The following TMEM233 variants were observed in gnomAD, a reference collection of about 807,000 sequenced individuals.
The protein encoded by TMEM233 is transmembrane protein 233.
In TMEM233, 6 loss-of-function variants were observed where a neutral mutation model predicts 11.2. The ratio of observed to expected loss-of-function variants is 0.54; its 90% CI spans 0.29 to 1.06. The LOEUF (loss-of-function observed/expected upper bound fraction) is 1.06. Among genes scored for constraint, TMEM233 ranks in the 50% least tolerant of loss-of-function variants. TMEM233 has a pLI of 0.08. For synonymous variants in TMEM233, 59 were observed against 55.8 expected (o/e 1.06, Z -0.26); for missense variants, 127 against 144.7 (o/e 0.88, Z 0.63).
chr12:119,605,034 C>A (rs1372259634), intron 1 of TMEM233, among the ~76,000 whole-genome samples: 3 of 148,450 alleles, frequency 2.0e-5, no homozygotes, highest in South Asian at 4.2e-4. Context: ...AATTCAGAAA[C>A]TTGTCTTTCT....
At chr12:119,649,708 C>T in the TMEM233 span, among the ~76,000 whole-genome samples, 1 of 152,052 alleles carries the variant, frequency 6.6e-6, no homozygotes, top group African/African-American at 2.4e-5. Context: ...GATGTAGATT[C>T]AATTAGTCAC....
At chr12:119,616,572 G>A (rs1022726395) in intron 1 of TMEM233, among the ~76,000 whole-genome samples, 14 of 152,180 alleles carry the variant, frequency 9.2e-5, no homozygotes, top group African/African-American at 3.4e-4. Context: ...GAGGAAAGGT[G>A]CGACTTACAA....
chr12:119,651,182 A>G, the TMEM233 span, among the ~76,000 whole-genome samples: 1 of 152,206 alleles, frequency 6.6e-6, no homozygotes, highest in African/African-American at 2.4e-5. Flanking sequence ...ATAGAAGACA[A>G]ACTTCAAGGT....
chr12:119,603,008 A>C (rs1174174197), intron 1 of TMEM233, among the ~76,000 whole-genome samples: 2 of 152,202 alleles, frequency 1.3e-5, no homozygotes, highest in Non-Finnish European at 2.9e-5. Context: ...TAATCCCAGC[A>C]CTTCAGGAGG....
At chr12:119,597,762 C>T (rs1232344688) in intron 1 of TMEM233, among the ~76,000 whole-genome samples, 1 of 152,158 alleles carries the variant, frequency 6.6e-6, no homozygotes, top group African/African-American at 2.4e-5. Context: ...ATGGGTCAAG[C>T]ATTGTCAGGG....
chr12:119,640,627 C>T (rs933583425), intron 2 of TMEM233, 72 bp from the exon 3 acceptor site: 40 of 1,509,484 alleles, frequency 2.6e-5, no homozygotes, highest in African/African-American at 2.4e-4. Flanking sequence ...AGGAAGGCAT[C>T]GAGCTGGGAA....
At chr12:119,648,725 T>C in the TMEM233 span, among the ~76,000 whole-genome samples, 1 of 152,216 alleles carries the variant, frequency 6.6e-6, no homozygotes, top group Non-Finnish European at 1.5e-5. Context: ...GGCACATAAG[T>C]TTCCAATAGT....
At chr12:119,611,553 T>C (rs1954400634) in intron 1 of TMEM233, among the ~76,000 whole-genome samples, 1 of 152,072 alleles carries the variant, frequency 6.6e-6, no homozygotes, top group African/African-American at 2.4e-5. Context: ...GATATATATA[T>C]ATATATATTC....
intron 1 of TMEM233, among the ~76,000 whole-genome samples, chr12:119,599,348 T>C (rs965640128): frequency 6.6e-6 from 1 of 152,202 alleles, no homozygotes; most frequent in Non-Finnish European, 1.5e-5. Flanking sequence ...CCATTCTCCA[T>C]GATGTGCTTA....
the TMEM233 span, among the ~76,000 whole-genome samples, chr12:119,649,157 G>A: frequency 6.6e-6 from 1 of 152,118 alleles, no homozygotes; most frequent in Non-Finnish European, 1.5e-5. Flanking sequence ...AATTAGCCGA[G>A]AGTGGTGGTG....
rs2136659262 is a variant in TMEM233 at position 119,594,910 on chromosome 12, G to A, written c.186+876G>A. On this transcript the variant is annotated intron_variant, in intron 1 of 2. Transcript: ENST00000426426. The surrounding 1 kb of genome is among the most constrained non-coding windows in gnomAD (Gnocchi z 5.6). ...CTCTCTTCTCTTGGTGTCCCCCAGAGCTCCCAGGCGCCCCTCCACCGCTCT... is the reference window on the plus strand; with the variant it reads ...CTCTCTTCTCTTGGTGTCCCCCAGAACTCCCAGGCGCCCCTCCACCGCTCT... 6.6e-6 allele frequency among the ~76,000 whole-genome samples: 1 copy of A among 152,150 alleles called. No homozygotes were observed. Among genetic ancestry groups the A allele is most frequent in the East Asian group, 2.0e-4 (1 of 5,122 alleles).
At chr12:119,634,414 C>A in intron 2 of TMEM233, 1 of 251,228 alleles carries the variant, frequency 4.0e-6, no homozygotes, top group Non-Finnish European at 6.3e-6. Context: ...TTAGGACCAG[C>A]CTGGGCAACA....
At chr12:119,619,477 C>CA (rs966953313) in intron 1 of TMEM233, among the ~76,000 whole-genome samples, 6 of 151,920 alleles carry the variant, frequency 3.9e-5, no homozygotes, top group African/African-American at 1.5e-4. Context: ...CTCATCTCTA[C>CA]AAAAAATACA....
chr12:119,596,788 C>T (rs1012529471), intron 1 of TMEM233, among the ~76,000 whole-genome samples: 1 of 152,116 alleles, frequency 6.6e-6, no homozygotes, highest in Non-Finnish European at 1.5e-5. Context: ...CCACTGCGCC[C>T]GGCCAAGTTT....
the TMEM233 span, among the ~76,000 whole-genome samples, chr12:119,652,306 C>T: frequency 6.6e-6 from 1 of 152,138 alleles, no homozygotes; most frequent in African/African-American, 2.4e-5. Flanking sequence ...CAAAAATGTC[C>T]ATCAATAGAG....
chr12:119,628,650 C>T (rs1246662100), intron 1 of TMEM233, among the ~76,000 whole-genome samples: 2 of 152,030 alleles, frequency 1.3e-5, no homozygotes, highest in East Asian at 1.9e-4. Context: ...TAGGCGCCCG[C>T]CACCACGCCC....
downstream of TMEM233, among the ~76,000 whole-genome samples, chr12:119,646,700 G>A (rs1955157543): frequency 6.6e-6 from 1 of 152,044 alleles, no homozygotes; most frequent in Non-Finnish European, 1.5e-5. Context: ...CATCTCTTTT[G>A]TTCTGACTCC....
intron 2 of TMEM233, among the ~76,000 whole-genome samples, chr12:119,637,938 G>GA (rs1382242315): frequency 4.6e-4 from 70 of 152,304 alleles, no homozygotes; most frequent in African/African-American, 1.6e-3. Context: ...GTAATATCAA[G>GA]GTTGACCAGG....
downstream of TMEM233, among the ~76,000 whole-genome samples, chr12:119,645,965 C>A (rs1415974827): frequency 6.6e-6 from 1 of 152,272 alleles, no homozygotes; most frequent in East Asian, 1.9e-4. Flanking sequence ...ATGGCCTGAT[C>A]ACCCCCAAGA....
Sources: allele counts gnomAD v4.1 joint callset (sites outside exome capture counted in the v4.1 genomes callset), GRCh38; gene constraint gnomAD v4.1.1; non-coding constraint Gnocchi (gnomAD v3.1); transcripts MANE v1.5; gene names NCBI Gene and HGNC (gene_info 2026-07-23, HGNC 2026-07-21).